LRBA: variants seen among roughly 807,000 people sequenced by gnomAD.
LRBA encodes lipopolysaccharide-responsive and beige-like anchor protein.
LRBA carries 176 observed loss-of-function variants against 330.0 expected under a neutral mutation model. The ratio of observed to expected loss-of-function variants is 0.53; its 90% CI spans 0.47 to 0.60. LRBA has a LOEUF of 0.60. Ranked by LOEUF, LRBA falls within the 20% of genes least tolerant of loss-of-function variation. LRBA has a pLI of 0.00. For missense variants in LRBA, 3,259 were observed against 3,444.8 expected (o/e 0.95, Z 1.35); for synonymous variants, 1,230 against 1,193.0 (o/e 1.03, Z -0.64).
At chr4:150,619,831 T>A (rs1052230590) in intron 37 of LRBA, among the ~76,000 whole-genome samples, 39 of 152,092 alleles carry the variant, frequency 2.6e-4, no homozygotes, top group Admixed American at 6.5e-4. Context: ...CATTCTTTCA[T>A]AGATCTAAAA....
At chr4:150,440,218 T>TA (rs1751643656) in intron 44 of LRBA, among the ~76,000 whole-genome samples, 1 of 152,098 alleles carries the variant, frequency 6.6e-6, no homozygotes, top group Non-Finnish European at 1.5e-5. Context: ...TAATTTCTTT[T>TA]AAAAAATCAG....
chr4:150,610,394 C>A (rs1424388624), intron 37 of LRBA, among the ~76,000 whole-genome samples: 1 of 152,126 alleles, frequency 6.6e-6, no homozygotes, highest in Non-Finnish European at 1.5e-5. Context: ...TCGAGACCAT[C>A]CTGGCCAACA....
At chr4:150,492,309 T>C (rs1377711077) in intron 40 of LRBA, among the ~76,000 whole-genome samples, 1 of 152,130 alleles carries the variant, frequency 6.6e-6, no homozygotes, top group Non-Finnish European at 1.5e-5. Flanking sequence ...GGAGAGTGTT[T>C]CTTGAAAATA....
chr4:150,951,201 T>C (rs1021877089), intron 2 of LRBA, among the ~76,000 whole-genome samples: 2 of 152,316 alleles, frequency 1.3e-5, no homozygotes, highest in South Asian at 2.1e-4. Flanking sequence ...GCTACTTTGA[T>C]GTAAGATTCT....
chr4:150,726,373 G>A (rs192964531), intron 36 of LRBA, among the ~76,000 whole-genome samples: 5 of 152,244 alleles, frequency 3.3e-5, no homozygotes, highest in Non-Finnish European at 7.4e-5. Context: ...TAGATTTCAA[G>A]ACAAAAATTG....
intron 53 of LRBA, among the ~76,000 whole-genome samples, chr4:150,294,964 T>C (rs1728785725): frequency 2.0e-5 from 3 of 151,166 alleles, no homozygotes; most frequent in South Asian, 4.3e-4. Context: ...AAAAAAAAAA[T>C]AGTAGTAGTA....
intron 2 of LRBA, among the ~76,000 whole-genome samples, chr4:150,959,768 A>C (rs1014289641): frequency 3.4e-5 from 5 of 145,690 alleles, no homozygotes; most frequent in Middle Eastern, 6.5e-3. Flanking sequence ...TAAATCTAAT[A>C]TACTTATTAT....
chr4:150,467,893 C>T lies in LRBA; in HGVS notation c.6668-108G>A, dbSNP rs1383015748. On this transcript the variant is annotated intron_variant, in intron 43 of 56. Transcript: ENST00000651943. ...GATTAAACAATTTTTGATTGCCAGA[C>T]ATCATTCTCAGTATCCATACTTTCT... 9 of 538,110 alleles carry T rather than the reference C, an allele frequency of 1.7e-5. No individual in the cohort carries two copies. The East Asian group carries it at 2.8e-4, about 17-fold the overall frequency. The allele number at this position is 538,110 out of a possible 1,614,324, so 33.3% of individuals were successfully genotyped here.
chr4:150,851,876 T>C lies in LRBA; in HGVS notation c.3825+9A>G, dbSNP rs375417745. On this transcript the variant is annotated intron_variant, in intron 23 of 56. Transcript: ENST00000651943. ...AAAAGTACTTGAATAAGACAATATA[T>C]AAAATCACCTCAAGCACATGTCGAT... is the stretch of plus-strand genomic sequence containing the variant. The C allele has an allele frequency of 9.0e-5, 143 of 1,589,868 alleles. 1 individual carries two copies. The highest frequency in any genetic ancestry group is 5.0e-4 in the Middle Eastern group (3 of 5,952).
At chr4:150,783,646 C>A (rs1315022894) in intron 34 of LRBA, among the ~76,000 whole-genome samples, 1 of 152,082 alleles carries the variant, frequency 6.6e-6, no homozygotes, top group Non-Finnish European at 1.5e-5. Flanking sequence ...TATTCAGGAC[C>A]TTGGTAAACA....
At chr4:150,276,558 C>CAAAGA (rs1746788056) in intron 56 of LRBA, among the ~76,000 whole-genome samples, 1 of 152,084 alleles carries the variant, frequency 6.6e-6, no homozygotes, top group African/African-American at 2.4e-5. Flanking sequence ...CCAGAATCTA[C>CAAAGA]AAAGAACTTA....
chr4:150,844,606 A>C, intron 27 of LRBA, 52 bp downstream of exon 27: 1 of 1,497,432 alleles, frequency 6.7e-7, no homozygotes, highest in Non-Finnish European at 9.1e-7. Context: ...TAAAAATCTT[A>C]ATTGTAAAAT....
chr4:150,703,714 G>C (rs957383316), intron 36 of LRBA, among the ~76,000 whole-genome samples: 3 of 152,124 alleles, frequency 2.0e-5, no homozygotes, highest in African/African-American at 7.2e-5. Flanking sequence ...TGTAATAAGA[G>C]AAGTGATACA....
intron 31 of LRBA, among the ~76,000 whole-genome samples, chr4:150,813,549 G>C (rs991523079): frequency 2.6e-5 from 4 of 151,850 alleles, no homozygotes; most frequent in Non-Finnish European, 5.9e-5. Context: ...AATTTTTATG[G>C]GTTATAAAAT....
At chr4:150,630,857 T>G (rs1376637482) in intron 37 of LRBA, among the ~76,000 whole-genome samples, 1 of 152,098 alleles carries the variant, frequency 6.6e-6, no homozygotes, top group Non-Finnish European at 1.5e-5. Flanking sequence ...AAAGAGATGT[T>G]TAGAAATATT....
chr4:150,645,425 T>G (rs1387425046), intron 37 of LRBA, among the ~76,000 whole-genome samples: 1 of 151,926 alleles, frequency 6.6e-6, no homozygotes, highest in Non-Finnish European at 1.5e-5. Context: ...TACTTTTCTG[T>G]GCTATTAAAA....
chr4:150,825,221 CTG>C (rs577770190), intron 30 of LRBA, among the ~76,000 whole-genome samples: 2 of 152,120 alleles, frequency 1.3e-5, no homozygotes, highest in Non-Finnish European at 2.9e-5. Context: ...TAAAGCATAA[CTG>C]TATAAAATTA....
intron 36 of LRBA, among the ~76,000 whole-genome samples, chr4:150,715,262 C>G (rs1055393325): frequency 2.0e-5 from 3 of 152,140 alleles, no homozygotes; most frequent in African/African-American, 7.2e-5. Flanking sequence ...ACCCTGAGAT[C>G]CTTCTAAGAT....
intron 37 of LRBA, among the ~76,000 whole-genome samples, chr4:150,632,066 A>G (rs1406830757): frequency 1.3e-5 from 2 of 152,122 alleles, no homozygotes; most frequent in African/African-American, 4.8e-5. Flanking sequence ...CCCCTTCTCT[A>G]CTAAAAATAC....
Sources: allele counts gnomAD v4.1 joint callset (sites outside exome capture counted in the v4.1 genomes callset), GRCh38; gene constraint gnomAD v4.1.1; transcripts MANE v1.5; gene names NCBI Gene and HGNC (gene_info 2026-07-23, HGNC 2026-07-21).